VEPH1: variants seen among roughly 807,000 people sequenced by gnomAD.
The protein encoded by VEPH1 is ventricular zone-expressed PH domain-containing protein homolog 1.
VEPH1 carries 80 observed loss-of-function variants against 85.2 expected under a neutral mutation model. The observed-to-expected ratio is 0.94, with a 90% CI of 0.78 to 1.13. The LOEUF is 1.13. Among genes scored for constraint, VEPH1 ranks in the 50% most tolerant of loss-of-function variants. The pLI, the probability that VEPH1 is intolerant of heterozygous loss-of-function variation, is 0.00. For synonymous variants in VEPH1, 297 were observed against 348.0 expected (o/e 0.85, Z 1.63); for missense variants, 955 against 980.5 (o/e 0.97, Z 0.35).
intron 3 of VEPH1, among the ~76,000 whole-genome samples, chr3:157,467,406 G>GAA (rs144653058): frequency 2.0e-5 from 3 of 147,306 alleles, no homozygotes; most frequent in African/African-American, 7.5e-5. Context: ...TCATTTTACT[G>GAA]AAAAAAAAAA....
chr3:157,351,486 A>G (rs4680358), intron 9 of VEPH1, among the ~76,000 whole-genome samples: 104,838 of 151,898 alleles, frequency 0.69, 36,497 homozygotes, highest in East Asian at 0.78. Context: ...GAGCCACCGC[A>G]CTTGGCCCAT....
At chr3:157,472,804 G>A (rs1737087536) in intron 2 of VEPH1, among the ~76,000 whole-genome samples, 1 of 152,050 alleles carries the variant, frequency 6.6e-6, no homozygotes, top group African/African-American at 2.4e-5. Context: ...ATCTGCTAAG[G>A]ATAATGGCCT....
chr3:157,307,844 T>C (rs1477781448), intron 11 of VEPH1, among the ~76,000 whole-genome samples: 1 of 151,726 alleles, frequency 6.6e-6, no homozygotes, highest in Non-Finnish European at 1.5e-5. Context: ...GATCATATCT[T>C]TTCATTAATT....
At chr3:157,437,814 G>A (rs765405623) in intron 4 of VEPH1, 3 of 1,462,782 alleles carry the variant, frequency 2.1e-6, no homozygotes, top group African/African-American at 3.0e-5. Context: ...GCCCAGAGGA[G>A]GCGGGGCGCG....
intron 11 of VEPH1, among the ~76,000 whole-genome samples, chr3:157,304,994 CAGAG>C (rs1008632231): frequency 4.7e-5 from 7 of 148,154 alleles, no homozygotes; most frequent in African/African-American, 1.8e-4. Flanking sequence ...GTTCTCTCAG[CAGAG>C]AGAGCCAGGA....
intron 1 of VEPH1, among the ~76,000 whole-genome samples, chr3:157,499,936 G>A (rs1391169936): frequency 6.6e-6 from 1 of 152,156 alleles, no homozygotes; most frequent in Non-Finnish European, 1.5e-5. Flanking sequence ...CTGAGTGTTC[G>A]TCCAGTAAGA....
intron 13 of VEPH1, among the ~76,000 whole-genome samples, chr3:157,263,275 C>T (rs1713159276): frequency 1.3e-5 from 2 of 152,134 alleles, no homozygotes; most frequent in South Asian, 4.1e-4. Context: ...ATTTGAGCCG[C>T]AAGTTTTGTC....
At chr3:157,436,860 T>C (rs1422269311) in intron 4 of VEPH1, 1 of 1,516,634 alleles carries the variant, frequency 6.6e-7, no homozygotes, top group Non-Finnish European at 9.0e-7. Flanking sequence ...ACTCTCACTC[T>C]CCTCCGCTCA....
intron 6 of VEPH1, among the ~76,000 whole-genome samples, chr3:157,389,823 A>T (rs182689063): frequency 6.6e-6 from 1 of 152,276 alleles, no homozygotes. Context: ...TCATGCCCAG[A>T]GAGATGCAAG....
At chr3:157,502,928 T>C (rs1228151962) in intron 1 of VEPH1, among the ~76,000 whole-genome samples, 2 of 152,204 alleles carry the variant, frequency 1.3e-5, no homozygotes, top group African/African-American at 4.8e-5. Flanking sequence ...AAATGTTGAT[T>C]GAAGTAAACA....
At chr3:157,385,457 T>C (rs1729198302) in intron 6 of VEPH1, among the ~76,000 whole-genome samples, 1 of 152,116 alleles carries the variant, frequency 6.6e-6, no homozygotes, top group Non-Finnish European at 1.5e-5. Context: ...TGTTATCTGG[T>C]TTATATCTAT....
intron 5 of VEPH1, among the ~76,000 whole-genome samples, chr3:157,427,677 A>G (rs1230699782): frequency 1.3e-5 from 2 of 151,872 alleles, no homozygotes; most frequent in Non-Finnish European, 2.9e-5. Context: ...CTGGCCTCAA[A>G]CTACTGGCCT....
At chr3:157,435,104 C>CT (rs1392302991) in intron 4 of VEPH1, among the ~76,000 whole-genome samples, 1 of 150,756 alleles carries the variant, frequency 6.6e-6, no homozygotes, top group Admixed American at 6.6e-5. Context: ...TTATTTGGTT[C>CT]TTTAAAAAAA....
At chr3:157,395,975 C>A (rs1365845572) in intron 6 of VEPH1, among the ~76,000 whole-genome samples, 4 of 152,118 alleles carry the variant, frequency 2.6e-5, no homozygotes, top group South Asian at 2.1e-4. Context: ...GCAGGATGTG[C>A]GGGTTTGTTA....
At chr3:157,270,149 A>G (rs1052124635) in intron 12 of VEPH1, among the ~76,000 whole-genome samples, 1 of 152,086 alleles carries the variant, frequency 6.6e-6, no homozygotes, top group Non-Finnish European at 1.5e-5. Context: ...AGTCCCAGGT[A>G]CTCACGGGGG....
At chr3:157,281,623 C>T (rs1716138692) in intron 12 of VEPH1, among the ~76,000 whole-genome samples, 1 of 151,858 alleles carries the variant, frequency 6.6e-6, no homozygotes, top group Non-Finnish European at 1.5e-5. Flanking sequence ...CTGCAACCTC[C>T]AACTCCCTGG....
At position 157,486,644 on chromosome 3, in the gene VEPH1, G is replaced by A. The variant is rs192514210; in HGVS notation, c.138+8568C>T. On this transcript the variant is annotated intron_variant, in intron 2 of 13. Coordinates refer to ENST00000362010, the MANE Select transcript of VEPH1 (RefSeq NM_001167912.2). ...TGTCTGTTTCCTCATCTATAAAATCGGAATATTAGTATACTTATCTCAAAA... is the reference window on the plus strand; with the variant it reads ...TGTCTGTTTCCTCATCTATAAAATCAGAATATTAGTATACTTATCTCAAAA... 2.3e-3 allele frequency among the ~76,000 whole-genome samples: 344 copies of A among 151,970 alleles called. 2 individuals are homozygous for A. The highest frequency in any genetic ancestry group is 4.2e-3 in the Non-Finnish European group (285 of 67,960).
In VEPH1 at chr3:157,283,625, G is replaced by A. The variant is rs190107631; in HGVS notation, c.2128+2932C>T. ...GTATGTGAGTTGACCATGTCAGTAA[G>A]CTGAGATACTGTCAATTTCTGAAGG... On this transcript the variant is annotated intron_variant, in intron 12 of 13. Transcript: ENST00000362010. 2.2e-3 allele frequency among the ~76,000 whole-genome samples: 333 copies of A among 152,284 alleles called. 1 individual carries two copies. The highest frequency in any genetic ancestry group is 3.4e-3 in the Non-Finnish European group (231 of 68,030).
At chr3:157,459,175 A>T (rs1735618162) in intron 4 of VEPH1, among the ~76,000 whole-genome samples, 1 of 152,262 alleles carries the variant, frequency 6.6e-6, no homozygotes, top group African/African-American at 2.4e-5. Flanking sequence ...CATCACTGGC[A>T]GGGCAGCACG....
Sources: gnomAD v4.1 joint callset for allele counts (sites outside exome capture counted in the v4.1 genomes callset) on GRCh38, gnomAD v4.1.1 for gene constraint, MANE v1.5 for transcripts, NCBI Gene and HGNC (gene_info 2026-07-23, HGNC 2026-07-21) for gene names.